The following SULT1C4 variants were observed in gnomAD, a reference collection of about 807,000 sequenced individuals.
SULT1C4 encodes the protein sulfotransferase family 1C member 4.
In SULT1C4, 32 loss-of-function variants were observed where a neutral mutation model predicts 34.8. The ratio of observed to expected loss-of-function variants is 0.92; its 90% CI spans 0.69 to 1.23. The LOEUF (loss-of-function observed/expected upper bound fraction) is 1.23, where lower values mean the gene tolerates loss of function less well. Among genes scored for constraint, SULT1C4 ranks in the 50% most tolerant of loss-of-function variants. The probability of loss-of-function intolerance (pLI) is 0.00; values close to 1 mark genes in which losing one functional copy is unlikely to be tolerated. For missense variants in SULT1C4, 375 were observed against 365.9 expected (o/e 1.02, Z -0.20); for synonymous variants, 111 against 120.5 (o/e 0.92, Z 0.51).
chr2:108,382,187 T>C (rs917475482), intron 2 of SULT1C4, 198 bp from the exon 3 acceptor site: 3 of 571,172 alleles, frequency 5.3e-6, no homozygotes, highest in Non-Finnish European at 9.2e-6. Flanking sequence ...CTTATTTATT[T>C]GGATGACTGT....
rs904190987 is a variant in SULT1C4 at position 108,388,787 on chromosome 2, C to T, written c.*1355C>T. Among the ~76,000 whole-genome samples, 4 of 152,138 alleles carry T rather than the reference C, an allele frequency of 2.6e-5. No individual in the cohort carries two copies. The highest frequency in any genetic ancestry group is 2.6e-4 in the Admixed American group (4 of 15,274). On this transcript the variant is annotated 3_prime_UTR_variant, in exon 7 of 7. Coordinates refer to ENST00000272452, the MANE Select transcript of SULT1C4 (RefSeq NM_006588.4). ...GTCACATCTTACCACTTCCTACCCT[C>T]CCAGTTTTATTTATACCAAGCCTCC...
In SULT1C4 at chr2:108,378,488, T is replaced by C; in HGVS notation, c.151T>C (p.Ser51Pro). 6.2e-7 allele frequency: 1 copy of C among 1,614,096 alleles called. No individual in the cohort carries two copies. The highest frequency in any genetic ancestry group is 8.5e-7 in the Non-Finnish European group (1 of 1,179,978). ...FQAKPDDLLI[S>P]TYPKAGTTWT... is the part of the protein sequence containing the mutation. ...AGCCAAGCCTGATGACCTGCTTATT[T>C]CTACCTATCCTAAAGCAGGTAGGTG... is the stretch of plus-strand genomic sequence containing the variant. Residue 51 changes from serine to proline, a missense_variant, in exon 1 of 7, where the codon TCT becomes CCT. Transcript: ENST00000272452.
chr2:108,387,289 A>G (rs372807879), intron 6 of SULT1C4, 31 bp from the exon 7 acceptor site: 47 of 1,536,320 alleles, frequency 3.1e-5, no homozygotes, highest in Non-Finnish European at 4.0e-5. Context: ...TCCAACAGCT[A>G]CTGAACCTCT....
rs763670896 is a variant in SULT1C4, at chr2:108,383,476, GT to G, written c.582del (p.Ile195PhefsTer9). On this transcript the variant is annotated frameshift_variant, in exon 5 of 7. Transcript: ENST00000272452. LOFTEE classifies it high-confidence loss of function. The part of the protein sequence containing the change: ...KGWWEAKDKH[R>X]ILYLFYEDMK... ...TGGTGGGAAGCCAAAGACAAACACC[GT>G]ATTCTCTATCTCTTCTATGAGGACA... 1.9e-6 allele frequency: 3 copies of G among 1,614,112 alleles called. No homozygotes were observed. The highest frequency in any genetic ancestry group is 2.5e-6 in the Non-Finnish European group (3 of 1,179,990).
Position 108,387,752 on chromosome 2 carries a change from G to C in SULT1C4, c.*320G>C, listed in dbSNP as rs1411791601. On this transcript the variant is annotated 3_prime_UTR_variant, in exon 7 of 7. Coordinates refer to ENST00000272452, the MANE Select transcript of SULT1C4 (RefSeq NM_006588.4). ...ATTGGAAATGCTTCAGTCCTCACAT[G>C]ATAATACACTAACATTTTCAGATTA... The C allele has an allele frequency of 5.0e-6, 1 of 200,698 alleles. No individual in the cohort carries two copies. Among genetic ancestry groups the C allele is most frequent in the Non-Finnish European group, 9.9e-6 (1 of 101,210 alleles). 12.4% of individuals were successfully genotyped at this position (200,698 alleles called of 1,614,324 possible). A position where few individuals can be genotyped will look rare whatever the true frequency, so the allele number is the denominator to read the frequency against.
intron 6 of SULT1C4, 51 bp from the exon 7 acceptor site, chr2:108,387,269 C>T (rs1269639643): frequency 7.3e-7 from 1 of 1,372,486 alleles, no homozygotes; most frequent in South Asian, 1.2e-5. Flanking sequence ...AATAGGGAAG[C>T]ACAGACTCTT....
intron 1 of SULT1C4, among the ~76,000 whole-genome samples, chr2:108,379,411 C>T (rs1678329995): frequency 1.3e-5 from 2 of 152,206 alleles, no homozygotes; most frequent in Admixed American, 1.3e-4. Flanking sequence ...CAATCTTACT[C>T]ATCAGGAGCC....
rs1678465646 is a variant in SULT1C4 at position 108,383,226 on chromosome 2, G to T, written c.520+7G>T. 1 of 1,607,304 alleles carries T rather than the reference G, an allele frequency of 6.2e-7. No homozygotes were observed. Among genetic ancestry groups the T allele is most frequent in the African/African-American group, 1.3e-5 (1 of 74,418 alleles). ...ACTTTTCTGGCTGGGAAAGGTGAGA[G>T]AATTTAGCTTTGTTTCCCTTCGTTT... On this transcript the variant is annotated splice_region_variant and intron_variant, in intron 4 of 6. Coordinates refer to ENST00000272452, the MANE Select transcript of SULT1C4 (RefSeq NM_006588.4).
intron 6 of SULT1C4, among the ~76,000 whole-genome samples, chr2:108,386,665 G>T (rs1311464972): frequency 6.6e-6 from 1 of 152,162 alleles, no homozygotes; most frequent in African/African-American, 2.4e-5. Context: ...ATAGGGCAAA[G>T]AATCCATTTT....
chr2:108,380,852 C>T (rs1397783707), intron 1 of SULT1C4, among the ~76,000 whole-genome samples: 1 of 152,198 alleles, frequency 6.6e-6, no homozygotes, highest in African/African-American at 2.4e-5. Context: ...TTCCAAAACT[C>T]AGGCTAATGC....
rs1455646939 is a variant in SULT1C4, at chr2:108,387,216, C to T, written c.797-104C>T. 101 of 857,562 alleles carry T rather than the reference C, an allele frequency of 1.2e-4. No homozygotes were observed. In the East Asian group the frequency reaches 2.4e-3, roughly 21 times the overall value. 53.1% of individuals were successfully genotyped at this position (857,562 alleles called of 1,614,324 possible). A position where few individuals can be genotyped will look rare whatever the true frequency, so the allele number is the denominator to read the frequency against. Reference sequence around the variant, plus strand: ...GAGAAACGTTTTGTCCAATACTGCCCTTCCTAGAACATGGCATAGAAATCA... The same window carrying T: ...GAGAAACGTTTTGTCCAATACTGCCTTTCCTAGAACATGGCATAGAAATCA... On this transcript the variant is annotated intron_variant, in intron 6 of 6. Coordinates refer to ENST00000272452, the MANE Select transcript of SULT1C4 (RefSeq NM_006588.4).
At chr2:108,378,571 T>C in intron 1 of SULT1C4, 65 bp downstream of exon 1, 1 of 1,536,030 alleles carries the variant, frequency 6.5e-7, no homozygotes, top group Admixed American at 2.0e-5. Context: ...GAAGTATGCA[T>C]TAGTCATGAA....
At chr2:108,379,987 A>G (rs1399077216) in intron 1 of SULT1C4, among the ~76,000 whole-genome samples, 1 of 152,222 alleles carries the variant, frequency 6.6e-6, no homozygotes, top group Non-Finnish European at 1.5e-5. Context: ...AAATGGCTGG[A>G]CTATTCTTTG....
In SULT1C4 at chr2:108,387,468, C is replaced by A; in HGVS notation, c.*36C>A. ...AAACTGAAAATGTTTTAGTTTATTA[C>A]CCAGTATATTTGGGTAATAATGAAA... On this transcript the variant is annotated 3_prime_UTR_variant, in exon 7 of 7. Transcript: ENST00000272452. The A allele has an allele frequency of 7.2e-7, 1 of 1,382,190 alleles. No individual in the cohort carries two copies. The highest frequency in any genetic ancestry group is 1.0e-6 in the Non-Finnish European group (1 of 979,166). The allele number at this position is 1,382,190 out of a possible 1,614,324, so 85.6% of individuals were successfully genotyped here.
rs571880366 is a variant in SULT1C4, at chr2:108,383,828, C to T, written c.615+318C>T. 1.9e-3 allele frequency among the ~76,000 whole-genome samples: 282 copies of T among 151,964 alleles called. 3 individuals are homozygous for T. The highest frequency in any genetic ancestry group is 6.7e-3 in the African/African-American group (275 of 41,352). On this transcript the variant is annotated intron_variant, in intron 5 of 6. Coordinates refer to ENST00000272452, the MANE Select transcript of SULT1C4 (RefSeq NM_006588.4). ...AGTTTAGCAGGAAAAAAAATCCTAG[C>T]ACATTTTGGTTTCTTTGGTTTTTGG... is the stretch of plus-strand genomic sequence containing the variant.
intron 5 of SULT1C4, among the ~76,000 whole-genome samples, chr2:108,384,285 A>C (rs1343750799): frequency 6.6e-6 from 1 of 151,022 alleles, no homozygotes; most frequent in Admixed American, 6.6e-5. Flanking sequence ...GCTGGAGTGC[A>C]GTGGCGCGAT....
chr2:108,383,363 G>A (rs1678476693), intron 4 of SULT1C4, 53 bp from the exon 5 acceptor site: 1 of 1,597,484 alleles, frequency 6.3e-7, no homozygotes, highest in East Asian at 2.2e-5. Flanking sequence ...TCCTTTCAGT[G>A]GTATAATAGG....
chr2:108,386,317 T>C lies in SULT1C4; in HGVS notation c.741T>C (p.Tyr247=). 6.3e-7 allele frequency: 1 copy of C among 1,578,374 alleles called. No homozygotes were observed. Among genetic ancestry groups the C allele is most frequent in the Non-Finnish European group, 8.6e-7 (1 of 1,161,486 alleles). ...TGAAACAGAATCCAATGGCAAACTA[T>C]TCATCGATTCCTGCTGAAATCATGG... ...DVMKQNPMAN[Y]SSIPAEIMDH... is the part of the protein sequence containing the mutation. Residue 247 remains tyrosine, a synonymous_variant, in exon 6 of 7, where the codon TAT becomes TAC. Coordinates refer to ENST00000272452, the MANE Select transcript of SULT1C4 (RefSeq NM_006588.4).
chr2:108,384,576 T>C (rs1037964037), intron 5 of SULT1C4, among the ~76,000 whole-genome samples: 1 of 152,210 alleles, frequency 6.6e-6, no homozygotes, highest in Non-Finnish European at 1.5e-5. Context: ...ATACTAATGA[T>C]TTAGATTCAA....
Sources: allele counts gnomAD v4.1 joint callset (sites outside exome capture counted in the v4.1 genomes callset), GRCh38; gene constraint gnomAD v4.1.1; transcripts MANE v1.5; gene names NCBI Gene and HGNC (gene_info 2026-07-23, HGNC 2026-07-21).